SNX25: variants seen among roughly 807,000 people sequenced by gnomAD.
SNX25 encodes the protein sorting nexin-25.
SNX25 carries 62 observed loss-of-function variants against 113.7 expected under a neutral mutation model. That is an observed-to-expected ratio of 0.55 (90% CI 0.44 to 0.67). The LOEUF is 0.67. SNX25 is among the 30% of genes least tolerant of loss of function. The pLI is 0.00. For synonymous variants in SNX25, 421 were observed against 436.2 expected, an observed-to-expected ratio of 0.97 and a Z score of 0.43; for missense variants, 1,014 against 1,161.0, an observed-to-expected ratio of 0.87 and a Z score of 1.84.
At chr4:185,208,295 C>T (rs1481635012), upstream of SNX25, among the ~76,000 whole-genome samples, 2 of 151,772 alleles carry the variant, frequency 1.3e-5, no homozygotes, top group Admixed American at 6.6e-5. Context: ...GGATTACAGG[C>T]GTGAGCCACC....
chr4:185,241,262 G>A (rs943279770), intron 1 of SNX25, among the ~76,000 whole-genome samples: 1 of 152,096 alleles, frequency 6.6e-6, no homozygotes, highest in African/African-American at 2.4e-5. Context: ...GATCACTCGC[G>A]GTTAGGAGCT....
rs1012290447 is a variant in SNX25, at chr4:185,210,572, T to C, written c.429+317T>C. Among the ~76,000 whole-genome samples, 2 of 152,010 alleles carry C rather than the reference T, an allele frequency of 1.3e-5. No homozygotes were observed. The highest frequency in any genetic ancestry group is 3.4e-3 in the Middle Eastern group (1 of 290). ...CCCAGACCTTCGGTGTCGCTTGCCGTGGGAGGGGAAGAAGGGAATCACAGC... is the reference window on the plus strand; with the variant it reads ...CCCAGACCTTCGGTGTCGCTTGCCGCGGGAGGGGAAGAAGGGAATCACAGC... On this transcript the variant is annotated intron_variant, in intron 1 of 18. Coordinates refer to ENST00000652585, the MANE Select transcript of SNX25 (RefSeq NM_001378034.2). The surrounding 1 kb of genome is among the most constrained non-coding windows in gnomAD (Gnocchi z 4.4).
chr4:185,214,835 T>C (rs1397566055), intron 1 of SNX25, among the ~76,000 whole-genome samples: 1 of 152,228 alleles, frequency 6.6e-6, no homozygotes, highest in African/African-American at 2.4e-5. Context: ...GATGGATTTT[T>C]ATAAGAACAA....
intron 4 of SNX25, among the ~76,000 whole-genome samples, chr4:185,266,182 T>C (rs189519659): frequency 7.9e-5 from 12 of 152,196 alleles, no homozygotes; most frequent in African/African-American, 2.7e-4. Flanking sequence ...AATCTCAAGT[T>C]ACAAGGATGG....
chr4:185,294,438 G>C (rs1161361215), intron 6 of SNX25, among the ~76,000 whole-genome samples: 1 of 152,130 alleles, frequency 6.6e-6, no homozygotes, highest in Non-Finnish European at 1.5e-5. Context: ...AATCATAAAG[G>C]GTTCTCAATG....
At chr4:185,317,669 A>G (rs994968179) in intron 7 of SNX25, among the ~76,000 whole-genome samples, 7 of 152,172 alleles carry the variant, frequency 4.6e-5, no homozygotes, top group African/African-American at 1.7e-4. Context: ...ATGTCCTTGC[A>G]GGGACATGGA....
chr4:185,205,058 C>T (rs1161454089), upstream of SNX25, among the ~76,000 whole-genome samples: 3 of 152,204 alleles, frequency 2.0e-5, no homozygotes, highest in Admixed American at 2.0e-4. Flanking sequence ...CTGCCTGTCC[C>T]GGGGAGTTCC....
At chr4:185,339,613 C>T (rs2095249787) in intron 11 of SNX25, 103 bp downstream of exon 11, 5 of 1,405,038 alleles carry the variant, frequency 3.6e-6, no homozygotes, top group Admixed American at 4.9e-5. Flanking sequence ...AACTTACACT[C>T]ATTCTTTTAG....
intron 3 of SNX25, among the ~76,000 whole-genome samples, chr4:185,262,491 A>G (rs1167833033): frequency 6.6e-6 from 1 of 152,196 alleles, no homozygotes; most frequent in Non-Finnish European, 1.5e-5. Context: ...TGTCTCTGAA[A>G]TGTTCTTTTT....
intron 5 of SNX25, among the ~76,000 whole-genome samples, chr4:185,285,865 C>T (rs990746022): frequency 1.3e-5 from 2 of 151,876 alleles, no homozygotes; most frequent in African/African-American, 2.4e-5. Context: ...CTCAACCACC[C>T]AGGCTCAAGT....
Position 185,319,089 on chromosome 4 carries a change from TTA to T in SNX25, c.1345-1642_1345-1641del, listed in dbSNP as rs1491085737. ...GCCCACTTTTCCCCTTTATTTTATTTTATTTTTTTTATTTTTTTTTTTTTAAA... is the reference window on the plus strand; with the variant it reads ...GCCCACTTTTCCCCTTTATTTTATTTTTTTTTTTATTTTTTTTTTTTTAAA... On this transcript the variant is annotated intron_variant, in intron 7 of 18. Coordinates refer to ENST00000652585, the MANE Select transcript of SNX25 (RefSeq NM_001378034.2). Among the ~76,000 whole-genome samples, 629 of 97,922 alleles carry T rather than the reference TTA, an allele frequency of 6.4e-3. 7 individuals carry two copies. The highest frequency in any genetic ancestry group is 0.024 in the African/African-American group (522 of 22,028). The allele number at this position is 97,922 out of a possible 152,430, so 64.2% of individuals were successfully genotyped here. A position where few individuals can be genotyped will look rare whatever the true frequency, so the allele number is the denominator to read the frequency against.
At chr4:185,352,141 A>T (rs574518834) in intron 14 of SNX25, among the ~76,000 whole-genome samples, 3 of 152,298 alleles carry the variant, frequency 2.0e-5, no homozygotes, top group African/African-American at 7.2e-5. Context: ...TGGTATGTGG[A>T]TAAGGGAAAG....
intron 1 of SNX25, among the ~76,000 whole-genome samples, chr4:185,222,484 T>C (rs1385582456): frequency 6.8e-6 from 1 of 146,248 alleles, no homozygotes; most frequent in East Asian, 2.0e-4. Flanking sequence ...CCCCTCCCTC[T>C]CGGTAGGTTT....
chr4:185,283,734 GAATT>G (rs1368443495), intron 5 of SNX25, among the ~76,000 whole-genome samples: 1 of 152,142 alleles, frequency 6.6e-6, no homozygotes, highest in African/African-American at 2.4e-5. Flanking sequence ...ATAATCATCT[GAATT>G]CTAATTTCCT....
rs1256734815 is a variant in SNX25, at chr4:185,363,234, T to C, written c.2935-151T>C. ...GTTTCCCAGTCATCTCTGATTATAG[T>C]TACCAATATTAAATACTGTTTGAGA... On this transcript the variant is annotated intron_variant, in intron 18 of 18. Transcript: ENST00000652585. The surrounding 1 kb of genome is among the most constrained non-coding windows in gnomAD (Gnocchi z 4.2). 1.5e-6 allele frequency: 1 copy of C among 659,806 alleles called. No homozygotes were observed. The highest frequency in any genetic ancestry group is 2.8e-5 in the East Asian group (1 of 35,896). 40.9% of individuals were successfully genotyped at this position (659,806 alleles called of 1,614,324 possible). A position where few individuals can be genotyped will look rare whatever the true frequency, so the allele number is the denominator to read the frequency against.
upstream of SNX25, among the ~76,000 whole-genome samples, chr4:185,208,621 G>C (rs986366632): frequency 6.6e-6 from 1 of 151,862 alleles, no homozygotes; most frequent in Non-Finnish European, 1.5e-5. Context: ...CCAGCTACTC[G>C]GGAGGCTGAG....
upstream of SNX25, among the ~76,000 whole-genome samples, chr4:185,209,098 A>G (rs930152025): frequency 1.3e-5 from 2 of 152,226 alleles, no homozygotes; most frequent in African/African-American, 4.8e-5. This position sits in a 1 kb window ranked among gnomAD's most constrained non-coding sequence, Gnocchi z 5.2. Context: ...GGACCTTTCC[A>G]TAGCTAGGAA....
intron 1 of SNX25, among the ~76,000 whole-genome samples, chr4:185,214,006 G>A (rs911679707): frequency 6.7e-6 from 1 of 150,094 alleles, no homozygotes; most frequent in Admixed American, 6.7e-5. Flanking sequence ...TGACCGTGAT[G>A]TAACCGAGTA....
intron 17 of SNX25, 65 bp downstream of exon 17, chr4:185,362,170 G>A: frequency 1.4e-6 from 2 of 1,456,850 alleles, no homozygotes; most frequent in South Asian, 1.5e-5. Context: ...CCACTGAGGT[G>A]ATTTTCATTT....
Sources: allele counts gnomAD v4.1 joint callset (sites outside exome capture counted in the v4.1 genomes callset), GRCh38; gene constraint gnomAD v4.1.1; non-coding constraint Gnocchi (gnomAD v3.1); transcripts MANE v1.5; gene names NCBI Gene and HGNC (gene_info 2026-07-23, HGNC 2026-07-21).